The following PMP22 variants were observed in gnomAD, a reference collection of about 807,000 sequenced individuals.
PMP22 encodes Charcot-Marie-Tooth neuropathy 1A (greatly reduced nerve conduction velocity, hereditary motor sensory neuropathy Ia).
PMP22 carries 2 observed loss-of-function variants against 18.9 expected under a neutral mutation model. The ratio of observed to expected loss-of-function variants is 0.11; its 90% CI spans 0.04 to 0.33. The LOEUF (loss-of-function observed/expected upper bound fraction) is 0.33, where lower values mean the gene tolerates loss of function less well. PMP22 is among the 10% of genes least tolerant of loss of function. The pLI, the probability that PMP22 is intolerant of heterozygous loss-of-function variation, is 1.00. For synonymous variants in PMP22, 95 were observed against 89.2 expected (o/e 1.07, Z -0.37); for missense variants, 169 against 202.2 (o/e 0.84, Z 1.00).
At position 15,264,255 on chromosome 17, in the gene PMP22, T is replaced by TAGATAGATAGATAGATAG. The variant is rs9303128; in HGVS notation, c.-35+898_-35+899insCTATCTATCTATCTATCT. ...GTAGATAGATAGATAGATAGATAGA[T>TAGATAGATAGATAGATAG]ATAGATAGATAGATAAAGATTTATA... On this transcript the variant is annotated intron_variant, in intron 1 of 4. Coordinates refer to ENST00000312280, the MANE Select transcript of PMP22 (RefSeq NM_000304.4). 9.7e-4 allele frequency among the ~76,000 whole-genome samples: 145 copies of TAGATAGATAGATAGATAG among 150,232 alleles called. 2 individuals carry two copies. Among genetic ancestry groups the TAGATAGATAGATAGATAG allele is most frequent in the Admixed American group, 2.0e-3 (30 of 15,130 alleles).
intron 2 of PMP22, 129 bp downstream of exon 2, chr17:15,260,521 A>G: frequency 1.2e-6 from 1 of 816,108 alleles, no homozygotes; most frequent in Non-Finnish European, 2.1e-6. Flanking sequence ...ATTGCCAGAA[A>G]CTTCCCTGGG....
At chr17:15,263,951 G>T (rs1909538721) in intron 1 of PMP22, among the ~76,000 whole-genome samples, 1 of 152,134 alleles carries the variant, frequency 6.6e-6, no homozygotes, top group African/African-American at 2.4e-5. Flanking sequence ...GCTTACTTTT[G>T]TTGTGAATTT....
intron 1 of PMP22, among the ~76,000 whole-genome samples, chr17:15,263,514 G>A (rs533606795): frequency 1.6e-3 from 249 of 152,138 alleles, no homozygotes; most frequent in Non-Finnish European, 2.9e-3. Context: ...CTTGAGGCAC[G>A]GGACAGGGAG....
At chr17:15,255,582 G>C (rs1339536587) in intron 3 of PMP22, among the ~76,000 whole-genome samples, 1 of 152,126 alleles carries the variant, frequency 6.6e-6, no homozygotes, top group Non-Finnish European at 1.5e-5. Flanking sequence ...TTTGAAAAGA[G>C]AGAAAAATAA....
At chr17:15,235,346 A>G (rs984247587) in intron 4 of PMP22, 12 of 717,044 alleles carry the variant, frequency 1.7e-5, no homozygotes, top group Non-Finnish European at 2.1e-5. Context: ...AGGCTCCTCT[A>G]TGTGCCCCAC....
rs1221314187 is a variant in PMP22 at position 15,232,769 on chromosome 17, T to C, written c.320-1689A>G. On this transcript the variant is annotated intron_variant, in intron 4 of 4. Coordinates refer to ENST00000312280, the MANE Select transcript of PMP22 (RefSeq NM_000304.4). ...TGCCTCAGGAGCTGAGTGGACCAGC[T>C]ACTCCCCGATTTCACTGACTAAGAG... Among the ~76,000 whole-genome samples, 3 of 152,166 alleles carry C rather than the reference T, an allele frequency of 2.0e-5. No individual in the cohort carries two copies. In the East Asian group the frequency reaches 5.8e-4, roughly 29 times the overall value.
At chr17:15,236,322 C>T (rs568820471) in intron 4 of PMP22, among the ~76,000 whole-genome samples, 6 of 152,274 alleles carry the variant, frequency 3.9e-5, no homozygotes, top group African/African-American at 1.4e-4. Context: ...CTACAGTCAG[C>T]TCCAAGAGCC....
rs372723732 is a variant in PMP22 at position 15,231,034 on chromosome 17, C to T, written c.366G>A (p.Pro122=). 2.7e-5 allele frequency: 43 copies of T among 1,614,000 alleles called. No homozygotes were observed. The highest frequency in any genetic ancestry group is 1.6e-4 in the Middle Eastern group (1 of 6,076). Residue 122 remains proline (P), a synonymous_variant, in exon 5 of 5, where the codon CCG becomes CCA. Transcript: ENST00000312280. ...AGTAATCCGAGTTGAGATGCCACTCCGGGTGCCTCACCGTGTAGATGGCCG... is the reference window on the plus strand; with the variant it reads ...AGTAATCCGAGTTGAGATGCCACTCTGGGTGCCTCACCGTGTAGATGGCCG... ...SAAAIYTVRH[P]EWHLNSDYSY... is the part of the protein sequence containing the mutation.
At chr17:15,257,946 G>A (rs559839225) in intron 3 of PMP22, among the ~76,000 whole-genome samples, 38 of 152,250 alleles carry the variant, frequency 2.5e-4, no homozygotes, top group African/African-American at 8.9e-4. Flanking sequence ...GCTTCAGCTG[G>A]GGACATGCTT....
chr17:15,264,255 T>TAGATAGATAG (rs9303128), intron 1 of PMP22, among the ~76,000 whole-genome samples: 6,171 of 150,172 alleles, frequency 0.041, 159 homozygotes, highest in East Asian at 0.054. Flanking sequence ...GATAGATAGA[T>TAGATAGATAG]ATAGATAGAT....
Position 15,261,944 on chromosome 17 carries a change from CCCTCTGTT to C in PMP22, c.-34-1191_-34-1184del, listed in dbSNP as rs1343361945. On this transcript the variant is annotated intron_variant, in intron 1 of 4. Transcript: ENST00000312280. The surrounding 1 kb of genome is among the most constrained non-coding windows in gnomAD (Gnocchi z 5.2). Reference sequence around the variant, plus strand: ...GTTTGGAAAGTACCCAATCCCAGGCCCCTCTGTTCCTCTCCACAAGCATCACATTCAAA... The same window carrying C: ...GTTTGGAAAGTACCCAATCCCAGGCCCCTCTCCACAAGCATCACATTCAAA... The C allele has an allele frequency of 1.3e-5, 2 of 152,192 alleles. No individual in the cohort carries two copies. Among genetic ancestry groups the C allele is most frequent in the Non-Finnish European group, 2.9e-5 (2 of 68,046 alleles). 9.4% of individuals were successfully genotyped at this position (152,192 alleles called of 1,614,324 possible). A position where few individuals can be genotyped will look rare whatever the true frequency, so the allele number is the denominator to read the frequency against.
At chr17:15,236,658 T>G (rs1906846746) in intron 4 of PMP22, among the ~76,000 whole-genome samples, 1 of 152,196 alleles carries the variant, frequency 6.6e-6, no homozygotes, top group Non-Finnish European at 1.5e-5. Context: ...GGGTTTCTCA[T>G]CTCCAACAAC....
At chr17:15,236,937 T>C (rs568883573) in intron 4 of PMP22, among the ~76,000 whole-genome samples, 1 of 152,316 alleles carries the variant, frequency 6.6e-6, no homozygotes, top group Admixed American at 6.5e-5. Flanking sequence ...TCTCAGGACT[T>C]ACAAATTACA....
intron 4 of PMP22, among the ~76,000 whole-genome samples, chr17:15,237,795 G>A (rs1207144687): frequency 1.3e-5 from 2 of 152,128 alleles, no homozygotes; most frequent in Non-Finnish European, 2.9e-5. Flanking sequence ...CATCAGATGG[G>A]TAACGTGCCA....
At chr17:15,252,807 G>T (rs567985404) in intron 3 of PMP22, among the ~76,000 whole-genome samples, 2 of 152,220 alleles carry the variant, frequency 1.3e-5, no homozygotes, top group Admixed American at 6.5e-5. Flanking sequence ...AAGACAAACT[G>T]CCTGGGTCCT....
intron 3 of PMP22, among the ~76,000 whole-genome samples, chr17:15,250,967 C>A (rs1366724349): frequency 6.6e-6 from 1 of 152,184 alleles, no homozygotes; most frequent in Non-Finnish European, 1.5e-5. Context: ...AATGAGCTTA[C>A]AAAACATGAA....
chr17:15,239,419 G>A (rs373779002), intron 4 of PMP22, 52 bp downstream of exon 4: 105 of 1,599,660 alleles, frequency 6.6e-5, no homozygotes, highest in South Asian at 2.2e-4. Flanking sequence ...TAATCATTCC[G>A]CAGACTTGGA....
At chr17:15,240,624 G>C (rs1907244810) in intron 3 of PMP22, among the ~76,000 whole-genome samples, 1 of 151,980 alleles carries the variant, frequency 6.6e-6, no homozygotes, top group South Asian at 2.1e-4. Context: ...TGTCATTTCA[G>C]GGAGGAAAGA....
chr17:15,262,170 CCG>C (rs1484858416), intron 1 of PMP22, among the ~76,000 whole-genome samples: 4 of 152,184 alleles, frequency 2.6e-5, no homozygotes, highest in Non-Finnish European at 5.9e-5. Context: ...GAGAACTGGG[CCG>C]CCCTTATCCG....
Sources: allele counts gnomAD v4.1 joint callset (sites outside exome capture counted in the v4.1 genomes callset), GRCh38; gene constraint gnomAD v4.1.1; non-coding constraint Gnocchi (gnomAD v3.1); transcripts MANE v1.5; gene names NCBI Gene and HGNC (gene_info 2026-07-23, HGNC 2026-07-21).